The following B3GNT5 variants were observed in gnomAD, a reference collection of about 807,000 sequenced individuals.
B3GNT5 encodes UDP-GlcNAc:betaGal beta-1,3-N-acetylglucosaminyltransferase 5.
In B3GNT5, 11 loss-of-function variants were observed where a neutral mutation model predicts 25.9. That is an observed-to-expected ratio of 0.42 (90% CI 0.27 to 0.70). The LOEUF (loss-of-function observed/expected upper bound fraction) is 0.70, where lower values mean the gene tolerates loss of function less well. Among genes scored for constraint, B3GNT5 ranks in the 30% least tolerant of loss-of-function variants. The probability of loss-of-function intolerance (pLI) is 0.23; values close to 1 mark genes in which losing one functional copy is unlikely to be tolerated. For synonymous variants in B3GNT5, 166 were observed against 158.6 expected (o/e 1.05, Z -0.35); for missense variants, 385 against 458.4 (o/e 0.84, Z 1.46).
In B3GNT5 at chr3:183,269,875, C is replaced by T. The variant is rs779368158; in HGVS notation, c.77C>T (p.Ala26Val). Residue 26 changes from alanine to valine, a missense_variant, in exon 2 of 2, where the codon GCG becomes GTG. Coordinates refer to ENST00000326505, the MANE Select transcript of B3GNT5 (RefSeq NM_032047.5). ...IIQLFATCFL[A>V]SLMFFWEPID... ...CAGTTATTTGCTACTTGTTTTTTAG[C>T]GAGCCTCATGTTTTTTTGGGAACCA... is the stretch of plus-strand genomic sequence containing the variant. 28 of 1,613,568 alleles carry T rather than the reference C, an allele frequency of 1.7e-5. No individual in the cohort carries two copies. In the East Asian group the frequency reaches 2.5e-4, roughly 14 times the overall value.
chr3:183,264,792 T>A (rs1179232260), intron 1 of B3GNT5, among the ~76,000 whole-genome samples: 1 of 152,228 alleles, frequency 6.6e-6, no homozygotes, highest in Non-Finnish European at 1.5e-5. Flanking sequence ...GTGTTCTAAC[T>A]AGTTTTTTCC....
chr3:183,263,487 C>T (rs1725809300), intron 1 of B3GNT5, among the ~76,000 whole-genome samples: 1 of 152,100 alleles, frequency 6.6e-6, no homozygotes, highest in African/African-American at 2.4e-5. Flanking sequence ...TTTGTTAACC[C>T]CATCTTAATT....
At chr3:183,261,911 A>G (rs984050347) in intron 1 of B3GNT5, among the ~76,000 whole-genome samples, 3 of 150,248 alleles carry the variant, frequency 2.0e-5, no homozygotes, top group African/African-American at 7.3e-5. Flanking sequence ...GTAGAACACA[A>G]TCCATTCATG....
chr3:183,269,520 G>T lies in B3GNT5; in HGVS notation c.-279G>T, dbSNP rs768347616. On this transcript the variant is annotated 5_prime_UTR_variant, in exon 2 of 2. Transcript: ENST00000326505. Reference sequence around the variant, plus strand: ...TAGGTGGCATGGAATATTCACATGGGAGAGCCGCATGAGGCCGCCCACCAC... The same window carrying T: ...TAGGTGGCATGGAATATTCACATGGTAGAGCCGCATGAGGCCGCCCACCAC... 1.1e-5 allele frequency: 4 copies of T among 351,998 alleles called. No individual in the cohort carries two copies. The highest frequency in any genetic ancestry group is 2.0e-5 in the Non-Finnish European group (4 of 195,670). The allele number at this position is 351,998 out of a possible 1,614,324, so 21.8% of individuals were successfully genotyped here. A position where few individuals can be genotyped will look rare whatever the true frequency, so the allele number is the denominator to read the frequency against.
intron 1 of B3GNT5, among the ~76,000 whole-genome samples, chr3:183,260,818 A>G (rs1329579070): frequency 1.3e-5 from 2 of 152,236 alleles, no homozygotes; most frequent in African/African-American, 4.8e-5. Context: ...CATGATTGCC[A>G]TAGTGGAATT....
At position 183,270,112 on chromosome 3, in the gene B3GNT5, C is replaced by G. The variant is rs761216902; in HGVS notation, c.314C>G (p.Ser105Cys). The G allele has an allele frequency of 6.2e-7, 1 of 1,614,118 alleles. No homozygotes were observed. Among genetic ancestry groups the G allele is most frequent in the African/African-American group, 1.3e-5 (1 of 75,026 alleles). ...GCTCCTGAAAACTATGATCGACGTT[C>G]CGGAATTAGAAGGACGTGGGGCAAT... is the stretch of plus-strand genomic sequence containing the variant. ...KTAPENYDRR[S>C]GIRRTWGNEN... Residue 105 changes from serine to cysteine, a missense_variant, in exon 2 of 2, where the codon TCC becomes TGC. Coordinates refer to ENST00000326505, the MANE Select transcript of B3GNT5 (RefSeq NM_032047.5). The surrounding 1 kb of genome is among the most constrained non-coding windows in gnomAD (Gnocchi z 4.5).
chr3:183,272,660 C>A lies in B3GNT5; in HGVS notation c.*1725C>A, dbSNP rs1301445393. On this transcript the variant is annotated 3_prime_UTR_variant, in exon 2 of 2. Transcript: ENST00000326505. ...GTAGATACAGGGTTTTAGATCATTA[C>A]AGTTTAAGTTTTCTGACCAATTAAA... The A allele has an allele frequency of 1.0e-6, 1 of 1,003,044 alleles. No individual in the cohort carries two copies. The highest frequency in any genetic ancestry group is 1.2e-6 in the Non-Finnish European group (1 of 831,764). The allele number at this position is 1,003,044 out of a possible 1,614,324, so 62.1% of individuals were successfully genotyped here. A position where few individuals can be genotyped will look rare whatever the true frequency, so the allele number is the denominator to read the frequency against.
At chr3:183,258,172 T>C (rs947138583) in intron 1 of B3GNT5, 1 of 152,268 alleles carries the variant, frequency 6.6e-6, no homozygotes, top group Non-Finnish European at 1.5e-5. Context: ...TTCACCATGT[T>C]AGCCAGGATG....
Position 183,272,350 on chromosome 3 carries a change from C to G in B3GNT5, c.*1415C>G, listed in dbSNP as rs534864111. 741 of 1,000,224 alleles carry G rather than the reference C, an allele frequency of 7.4e-4. 2 individuals are homozygous for G. The highest frequency in any genetic ancestry group is 6.3e-3 in the Middle Eastern group (12 of 1,916). 62.0% of individuals were successfully genotyped at this position (1,000,224 alleles called of 1,614,324 possible). ...TTCAGCAAGAGTGACTGAACTCACT[C>G]TAAGGCCTTTGACTGCAGAGGCACC... On this transcript the variant is annotated 3_prime_UTR_variant, in exon 2 of 2. Transcript: ENST00000326505.
At position 183,263,736 on chromosome 3, in the gene B3GNT5, C is replaced by T. The variant is rs140310966; in HGVS notation, c.-301-5762C>T. On this transcript the variant is annotated intron_variant, in intron 1 of 1. Transcript: ENST00000326505. Reference sequence around the variant, plus strand: ...TCTCTCCATCGCCTCGAACTCAATGCGAGTCTAAAATCAAATACTCCTTCA... The same window carrying T: ...TCTCTCCATCGCCTCGAACTCAATGTGAGTCTAAAATCAAATACTCCTTCA... Among the ~76,000 whole-genome samples, 760 of 152,238 alleles carry T rather than the reference C, an allele frequency of 5.0e-3. 7 individuals are homozygous for T. Among genetic ancestry groups the T allele is most frequent in the African/African-American group, 0.017 (720 of 41,546 alleles).
intron 1 of B3GNT5, among the ~76,000 whole-genome samples, chr3:183,255,407 C>T (rs1724952460): frequency 6.6e-6 from 1 of 152,212 alleles, no homozygotes; most frequent in Non-Finnish European, 1.5e-5. Flanking sequence ...GCAAGCTAAA[C>T]GCAATACCAG....
chr3:183,255,161 T>A (rs943151218), intron 1 of B3GNT5, among the ~76,000 whole-genome samples: 1 of 152,150 alleles, frequency 6.6e-6, no homozygotes. Context: ...GCCTGTTCCC[T>A]GTGGGGGATG....
chr3:183,265,644 C>T (rs896666727), intron 1 of B3GNT5: 1 of 152,354 alleles, frequency 6.6e-6, no homozygotes. Flanking sequence ...TGGGAAAGGC[C>T]TCCTAGTGAC....
intron 1 of B3GNT5, among the ~76,000 whole-genome samples, chr3:183,262,905 C>T: frequency 6.6e-6 from 1 of 151,778 alleles, no homozygotes; most frequent in East Asian, 1.9e-4. Context: ...CTGGAGGTGT[C>T]ATAGGAACAG....
intron 1 of B3GNT5, among the ~76,000 whole-genome samples, chr3:183,263,484 A>G (rs1725808708): frequency 6.6e-6 from 1 of 151,820 alleles, no homozygotes; most frequent in Non-Finnish European, 1.5e-5. Flanking sequence ...CCATTTGTTA[A>G]CCCCATCTTA....
intron 1 of B3GNT5, among the ~76,000 whole-genome samples, chr3:183,264,547 G>T (rs1047899206): frequency 6.6e-6 from 1 of 152,198 alleles, no homozygotes; most frequent in Non-Finnish European, 1.5e-5. Context: ...ATAAGAACCC[G>T]CAGAGTAAAT....
intron 1 of B3GNT5, among the ~76,000 whole-genome samples, chr3:183,263,919 C>T (rs903250783): frequency 1.2e-4 from 19 of 152,038 alleles, no homozygotes; most frequent in Non-Finnish European, 2.4e-4. Flanking sequence ...GCCTTCCTTC[C>T]GTCCCCATTT....
chr3:183,254,404 G>A (rs953507420), intron 1 of B3GNT5, among the ~76,000 whole-genome samples: 2 of 151,882 alleles, frequency 1.3e-5, no homozygotes, highest in African/African-American at 4.8e-5. Context: ...GGCGGAGAAG[G>A]AGGCTCGTCC....
rs144063204 is a variant in B3GNT5 at position 183,269,755 on chromosome 3, G to T, written c.-44G>T. 3.8e-4 allele frequency: 587 copies of T among 1,537,406 alleles called. 3 individuals carry two copies. In the African/African-American group the frequency reaches 7.6e-3, roughly 20 times the overall value. On this transcript the variant is annotated 5_prime_UTR_variant, in exon 2 of 2. Coordinates refer to ENST00000326505, the MANE Select transcript of B3GNT5 (RefSeq NM_032047.5). ...GTTCTATGGTCTCGAAGAAGCCCGTGCCTGTTTAAAACTGATCCTAACTAA... is the reference window on the plus strand; with the variant it reads ...GTTCTATGGTCTCGAAGAAGCCCGTTCCTGTTTAAAACTGATCCTAACTAA...
Sources: gnomAD v4.1 joint callset for allele counts (sites outside exome capture counted in the v4.1 genomes callset) on GRCh38, gnomAD v4.1.1 for gene constraint, Gnocchi (gnomAD v3.1) non-coding constraint, MANE v1.5 for transcripts, NCBI Gene and HGNC (gene_info 2026-07-23, HGNC 2026-07-21) for gene names.